Variants in STAG1 observed in about 807,000 individuals in gnomAD.
STAG1 encodes STAG1 cohesin complex component.
Under a neutral mutation model 170.9 loss-of-function variants are expected in STAG1, and 26 were observed. The ratio of observed to expected loss-of-function variants is 0.15; its 90% CI spans 0.11 to 0.21. The LOEUF is 0.21. Among genes scored for constraint, STAG1 ranks in the 10% least tolerant of loss-of-function variants. The probability of loss-of-function intolerance (pLI) is 1.00; values close to 1 mark genes in which losing one functional copy is unlikely to be tolerated. For synonymous variants in STAG1, 514 were observed against 497.7 expected (o/e 1.03, Z -0.44); for missense variants, 964 against 1,509.5 (o/e 0.64, Z 5.99).
chr3:136,556,526 T>G (rs747269699), intron 5 of STAG1, among the ~76,000 whole-genome samples: 1 of 152,058 alleles, frequency 6.6e-6, no homozygotes, highest in African/African-American at 2.4e-5. Flanking sequence ...TCAATATAAT[T>G]CCATTTAAAA....
chr3:136,578,144 T>C (rs1937516554), intron 4 of STAG1, among the ~76,000 whole-genome samples: 1 of 152,244 alleles, frequency 6.6e-6, no homozygotes, highest in African/African-American at 2.4e-5. Flanking sequence ...GTAAGCTTAC[T>C]CTTTTTTGTA....
At chr3:136,574,530 T>C (rs932178742) in intron 4 of STAG1, among the ~76,000 whole-genome samples, 2 of 152,126 alleles carry the variant, frequency 1.3e-5, no homozygotes, top group Admixed American at 6.5e-5. Context: ...GTAAGAAACA[T>C]GTTGTGGTTA....
chr3:136,733,736 G>A (rs1365909741), intron 1 of STAG1, among the ~76,000 whole-genome samples: 1 of 152,206 alleles, frequency 6.6e-6, no homozygotes, highest in Non-Finnish European at 1.5e-5. Flanking sequence ...TTTCCCAACA[G>A]TTAATTTAGG....
intron 5 of STAG1, among the ~76,000 whole-genome samples, chr3:136,565,750 C>T (rs1289232131): frequency 2.0e-5 from 3 of 152,164 alleles, no homozygotes; most frequent in Admixed American, 1.3e-4. Flanking sequence ...TTGCCATATT[C>T]ACAATAGTCA....
chr3:136,516,212 A>G (rs1366508479), intron 7 of STAG1, among the ~76,000 whole-genome samples: 3 of 152,130 alleles, frequency 2.0e-5, no homozygotes, highest in African/African-American at 7.2e-5. Flanking sequence ...CCTGAGAGCC[A>G]AAAGATAAGT....
intron 7 of STAG1, among the ~76,000 whole-genome samples, chr3:136,520,592 G>GA (rs925195672): frequency 1.3e-5 from 2 of 151,414 alleles, no homozygotes; most frequent in Non-Finnish European, 3.0e-5. Context: ...TGAAAACCAA[G>GA]AAAAAAAATG....
At chr3:136,611,632 C>T (rs1939283345) in intron 3 of STAG1, among the ~76,000 whole-genome samples, 1 of 136,550 alleles carries the variant, frequency 7.3e-6, no homozygotes. Context: ...GTAGTTGGGA[C>T]TATAAGCACT....
intron 1 of STAG1, among the ~76,000 whole-genome samples, chr3:136,703,587 G>T (rs1172289510): frequency 1.3e-5 from 2 of 152,174 alleles, no homozygotes; most frequent in Non-Finnish European, 2.9e-5. Flanking sequence ...GGATCTGACA[G>T]GTCACTAGCT....
chr3:136,658,835 T>C (rs572850892), intron 1 of STAG1, among the ~76,000 whole-genome samples: 3 of 152,322 alleles, frequency 2.0e-5, no homozygotes, highest in South Asian at 2.1e-4. Context: ...CATGGCTCTA[T>C]TAATTTTTAT....
intron 5 of STAG1, among the ~76,000 whole-genome samples, chr3:136,557,193 G>A (rs1425652139): frequency 2.0e-5 from 3 of 151,982 alleles, no homozygotes; most frequent in Admixed American, 6.6e-5. Context: ...AGTCAAGATC[G>A]CACCACTGCA....
chr3:136,434,636 T>C (rs1479184893), intron 15 of STAG1, among the ~76,000 whole-genome samples: 1 of 152,198 alleles, frequency 6.6e-6, no homozygotes, highest in African/African-American at 2.4e-5. Flanking sequence ...TGGTATCTTC[T>C]GTCAGACAGA....
At chr3:136,658,853 G>C (rs1220358040) in intron 1 of STAG1, among the ~76,000 whole-genome samples, 1 of 152,090 alleles carries the variant, frequency 6.6e-6, no homozygotes, top group Non-Finnish European at 1.5e-5. Context: ...TATTATGGTA[G>C]TTAATTATGC....
Position 136,465,435 on chromosome 3 carries a change from G to A in STAG1, c.1206-447C>T, listed in dbSNP as rs60105927. 7.9e-3 allele frequency among the ~76,000 whole-genome samples: 1,203 copies of A among 151,388 alleles called. 13 individuals carry two copies. The highest frequency in any genetic ancestry group is 0.028 in the African/African-American group (1,146 of 41,294). On this transcript the variant is annotated intron_variant, in intron 12 of 33. Coordinates refer to ENST00000383202, the MANE Select transcript of STAG1 (RefSeq NM_005862.3). ...GGGGTTTCGTCATGTTAGGCAGACT[G>A]TTCTCTAACTCCTGATCTCAGATAA... is the stretch of plus-strand genomic sequence containing the variant.
intron 7 of STAG1, among the ~76,000 whole-genome samples, chr3:136,520,592 G>C (rs979425099): frequency 1.3e-5 from 2 of 151,414 alleles, no homozygotes; most frequent in African/African-American, 4.8e-5. Context: ...TGAAAACCAA[G>C]AAAAAAAATG....
At chr3:136,685,962 AT>A (rs1942507266) in intron 1 of STAG1, among the ~76,000 whole-genome samples, 1 of 152,208 alleles carries the variant, frequency 6.6e-6, no homozygotes, top group African/African-American at 2.4e-5. Flanking sequence ...AATGTTATGT[AT>A]ATTGTTTTAA....
intron 22 of STAG1, among the ~76,000 whole-genome samples, chr3:136,380,774 C>CT (rs1937910225): frequency 6.6e-6 from 1 of 151,734 alleles, no homozygotes; most frequent in African/African-American, 2.4e-5. Context: ...AATCCGAGCA[C>CT]TTTGGGAGGC....
At chr3:136,346,664 A>G (rs1936232427) in intron 29 of STAG1, among the ~76,000 whole-genome samples, 1 of 152,268 alleles carries the variant, frequency 6.6e-6, no homozygotes, top group Non-Finnish European at 1.5e-5. Flanking sequence ...TTATACACTT[A>G]TACGTCATTC....
At chr3:136,466,369 T>C (rs1038186016) in intron 12 of STAG1, among the ~76,000 whole-genome samples, 2 of 152,140 alleles carry the variant, frequency 1.3e-5, no homozygotes, top group African/African-American at 4.8e-5. Context: ...CAAGCTTCAG[T>C]AGCCAATTCG....
chr3:136,628,398 A>G (rs894108237), intron 2 of STAG1, among the ~76,000 whole-genome samples: 6 of 152,128 alleles, frequency 3.9e-5, no homozygotes, highest in East Asian at 1.9e-4. Flanking sequence ...GCAGGTACTG[A>G]TATGATATTG....
Sources: gnomAD v4.1 joint callset for allele counts (sites outside exome capture counted in the v4.1 genomes callset) on GRCh38, gnomAD v4.1.1 for gene constraint, MANE v1.5 for transcripts, NCBI Gene and HGNC (gene_info 2026-07-23, HGNC 2026-07-21) for gene names.